The following KAT6B variants were observed in gnomAD, a reference collection of about 807,000 sequenced individuals.
The protein encoded by KAT6B is histone acetyltransferase KAT6B.
Under a neutral mutation model 187.5 loss-of-function variants are expected in KAT6B, and 10 were observed. That is an observed-to-expected ratio of 0.05 (90% CI 0.03 to 0.09). The LOEUF (loss-of-function observed/expected upper bound fraction) is 0.09. Among genes scored for constraint, KAT6B ranks in the 10% least tolerant of loss-of-function variants. The pLI, the probability that KAT6B is intolerant of heterozygous loss-of-function variation, is 1.00. For synonymous variants in KAT6B, 861 were observed against 926.8 expected, an observed-to-expected ratio of 0.93 and a Z score of 1.29; for missense variants, 1,952 against 2,558.9, an observed-to-expected ratio of 0.76 and a Z score of 5.12.
intron 3 of KAT6B, among the ~76,000 whole-genome samples, chr10:74,922,272 A>G (rs1383630934): frequency 6.6e-6 from 1 of 152,182 alleles, no homozygotes; most frequent in African/African-American, 2.4e-5. Context: ...ATCATTCTCT[A>G]AAGTAGAAAA....
intron 17 of KAT6B, among the ~76,000 whole-genome samples, chr10:75,027,274 T>C (rs537914185): frequency 6.6e-6 from 1 of 152,242 alleles, no homozygotes; most frequent in Non-Finnish European, 1.5e-5. Context: ...ACATCACATA[T>C]GTGTTCTTTT....
chr10:74,952,846 ATTTTTTTTT>A lies in KAT6B; in HGVS notation c.622-7107_622-7099del, dbSNP rs34687036. On this transcript the variant is annotated intron_variant, in intron 3 of 17. Transcript: ENST00000287239. ...GGATTACAGGCACCATGCCTGGCTA[ATTTTTTTTT>A]TTTTTTTTTTTTTTTTGTATTTTTA... is the stretch of plus-strand genomic sequence containing the variant. Among the ~76,000 whole-genome samples the A allele has an allele frequency of 4.2e-3, 376 of 90,574 alleles. 3 individuals are homozygous for A. Among genetic ancestry groups the A allele is most frequent in the African/African-American group, 0.014 (354 of 24,572 alleles). 59.4% of individuals were successfully genotyped at this position (90,574 alleles called of 152,430 possible). A position where few individuals can be genotyped will look rare whatever the true frequency, so the allele number is the denominator to read the frequency against.
Position 75,028,895 on chromosome 10 carries a change from GGAGGAGGAA to G in KAT6B, c.4077_4085del (p.Glu1366_Glu1368del), listed in dbSNP as rs765324268. 6.2e-6 allele frequency: 10 copies of G among 1,607,568 alleles called. No homozygotes were observed. The African/African-American group carries it at 7.1e-5, about 11-fold the overall frequency. On this transcript the variant is annotated inframe_deletion, in exon 18 of 18. Coordinates refer to ENST00000287239, the MANE Select transcript of KAT6B (RefSeq NM_012330.4). ...AACCTGAGGAAGAGGAAGAGGAGGAGGAGGAGGAAGAGGAAGAAGAGGAAGAAGAGGAAG... is the reference window on the plus strand; with the variant it reads ...AACCTGAGGAAGAGGAAGAGGAGGAGGAGGAAGAAGAGGAAGAAGAGGAAG...
In KAT6B at chr10:75,025,201, G is replaced by A. The variant is rs769108909; in HGVS notation, c.3616G>A (p.Glu1206Lys). The change falls in exon 17 of 18, where the codon GAG becomes AAG. Residue 1206 changes from glutamate to lysine, a missense_variant. This residue lies in a region of KAT6B where 758 missense variants were observed against 891.4 expected (regional missense o/e 0.85). Transcript: ENST00000287239. Reference protein sequence around the residue: ...QPGKKRQTEEEEGKDNHCFKN... With the variant: ...QPGKKRQTEEKEGKDNHCFKN... ...TGGGAAGAAAAGACAAACAGAGGAA[G>A]AGGAAGGAAAAGACAATCATTGCTT... 2.2e-5 allele frequency: 35 copies of A among 1,614,118 alleles called. No individual in the cohort carries two copies. In the East Asian group the frequency reaches 7.8e-4, roughly 36 times the overall value.
intron 3 of KAT6B, among the ~76,000 whole-genome samples, chr10:74,846,153 T>C (rs905758477): frequency 6.6e-6 from 1 of 152,106 alleles, no homozygotes; most frequent in Non-Finnish European, 1.5e-5. Context: ...CATGAGCCAC[T>C]GTGCCTGGCC....
intron 3 of KAT6B, among the ~76,000 whole-genome samples, chr10:74,880,432 A>G (rs187532786): frequency 6.6e-6 from 1 of 152,370 alleles, no homozygotes; most frequent in East Asian, 1.9e-4. Flanking sequence ...ACTGCCAAAT[A>G]ATAGTTCTTT....
chr10:74,828,045 A>G (rs1195338003), intron 1 of KAT6B, among the ~76,000 whole-genome samples: 1 of 152,094 alleles, frequency 6.6e-6, no homozygotes, highest in Non-Finnish European at 1.5e-5. Context: ...CATGCACCAT[A>G]CCTTGGGATA....
At chr10:74,989,175 TA>T in intron 13 of KAT6B, 63 bp downstream of exon 13, 2 of 1,126,472 alleles carry the variant, frequency 1.8e-6, no homozygotes, top group Non-Finnish European at 2.7e-6. Context: ...CAGGAAACAG[TA>T]AAATATAAAA....
At chr10:74,968,446 A>G (rs1841629284) in intron 4 of KAT6B, among the ~76,000 whole-genome samples, 1 of 151,858 alleles carries the variant, frequency 6.6e-6, no homozygotes, top group Non-Finnish European at 1.5e-5. Context: ...TTGATTTTGA[A>G]TGTTTTTACT....
intron 13 of KAT6B, among the ~76,000 whole-genome samples, chr10:75,016,027 C>G (rs578174135): frequency 2.0e-5 from 3 of 152,332 alleles, no homozygotes; most frequent in South Asian, 4.1e-4. Context: ...TTGAATACTC[C>G]TAGTTTAAAG....
chr10:74,914,601 T>C (rs1379934112), intron 3 of KAT6B, among the ~76,000 whole-genome samples: 1 of 152,212 alleles, frequency 6.6e-6, no homozygotes, highest in Non-Finnish European at 1.5e-5. Context: ...AGCAACTGGC[T>C]CAAGAAATTA....
At chr10:74,951,423 C>G (rs1337134447) in intron 3 of KAT6B, among the ~76,000 whole-genome samples, 1 of 146,392 alleles carries the variant, frequency 6.8e-6, no homozygotes, top group Non-Finnish European at 1.5e-5. Flanking sequence ...TGAGCCACCA[C>G]GCCCAGCGAC....
At chr10:75,000,518 A>T (rs1843752882) in intron 13 of KAT6B, among the ~76,000 whole-genome samples, 1 of 152,172 alleles carries the variant, frequency 6.6e-6, no homozygotes, top group Non-Finnish European at 1.5e-5. Flanking sequence ...ACGGACGTGT[A>T]ACTAACGCTA....
At position 74,960,095 on chromosome 10, in the gene KAT6B, C is replaced by G. The variant is rs748249223; in HGVS notation, c.730+17C>G. On this transcript the variant is annotated intron_variant, in intron 4 of 17. Coordinates refer to ENST00000287239, the MANE Select transcript of KAT6B (RefSeq NM_012330.4). The stretch of plus-strand genomic sequence containing the variant: ...GCAGTAGTGGTAAGTTGTGTTTTTC[C>G]TATGTGTTGTACAATGACTTCCCAT... 5 of 1,456,224 alleles carry G rather than the reference C, an allele frequency of 3.4e-6. No individual in the cohort carries two copies. The South Asian group carries it at 4.6e-5, about 13-fold the overall frequency. The allele number at this position is 1,456,224 out of a possible 1,614,324, so 90.2% of individuals were successfully genotyped here. A position where few individuals can be genotyped will look rare whatever the true frequency, so the allele number is the denominator to read the frequency against.
Position 74,976,125 on chromosome 10 carries a change from G to T in KAT6B, c.1788G>T (p.Arg596=), listed in dbSNP as rs1179307644. 1.9e-6 allele frequency: 3 copies of T among 1,614,204 alleles called. No individual in the cohort carries two copies. The highest frequency in any genetic ancestry group is 3.3e-5 in the Admixed American group (2 of 60,016). Residue 596 remains arginine (R), a synonymous_variant, in exon 8 of 18, where the codon CGG becomes CGT. Coordinates refer to ENST00000287239, the MANE Select transcript of KAT6B (RefSeq NM_012330.4). The part of the protein sequence containing the change: ...HFFGKRDIRS[R]FISHSSSSSW... ...TTGGCAAAAGAGATATTAGAAGTCG[G>T]TTTATTTCTCACTCCTCCTCCTCTA...
Position 75,029,766 on chromosome 10 carries a change from C to T in KAT6B, c.4942C>T (p.Pro1648Ser). Residue 1648 changes from proline to serine, a missense_variant, in exon 18 of 18, where the codon CCC becomes TCC. Physicochemically the swap from Pro to Ser is moderately conservative, Grantham distance 74. Transcript: ENST00000287239. The surrounding 1 kb of genome is among the most constrained non-coding windows in gnomAD (Gnocchi z 6.2). Reference sequence around the variant, plus strand: ...ATCTCTGCAGAACATGGAAACCAGTCCCATGATGGATGTCCCATCAGTTTC... The same window carrying T: ...ATCTCTGCAGAACATGGAAACCAGTTCCATGATGGATGTCCCATCAGTTTC... ...VPSLQNMETS[P>S]MMDVPSVSDH... The T allele has an allele frequency of 6.2e-7, 1 of 1,614,086 alleles. No homozygotes were observed. Among genetic ancestry groups the T allele is most frequent in the Non-Finnish European group, 8.5e-7 (1 of 1,179,962 alleles).
intron 3 of KAT6B, among the ~76,000 whole-genome samples, chr10:74,959,428 TATA>T (rs1376598303): frequency 6.6e-6 from 1 of 152,208 alleles, no homozygotes; most frequent in Non-Finnish European, 1.5e-5. Flanking sequence ...AGCTATATAA[TATA>T]TAAAGGTATT....
intron 3 of KAT6B, among the ~76,000 whole-genome samples, chr10:74,845,447 G>A (rs998509958): frequency 2.0e-5 from 3 of 150,378 alleles, no homozygotes; most frequent in Admixed American, 6.6e-5. Context: ...CCTTAAACCC[G>A]GGAGGCAGAC....
intron 3 of KAT6B, among the ~76,000 whole-genome samples, chr10:74,932,909 AC>A (rs752801208): frequency 1.3e-5 from 2 of 152,240 alleles, no homozygotes; most frequent in Non-Finnish European, 2.9e-5. Context: ...ACCAGGGAGA[AC>A]AAACAGGCTC....
Sources: allele counts gnomAD v4.1 joint callset (sites outside exome capture counted in the v4.1 genomes callset), GRCh38; gene constraint gnomAD v4.1.1; regional missense constraint gnomAD v4.1.1; non-coding constraint Gnocchi (gnomAD v3.1); transcripts MANE v1.5; gene names NCBI Gene and HGNC (gene_info 2026-07-23, HGNC 2026-07-21).